FYB2: variants seen among roughly 807,000 people sequenced by gnomAD.
The protein encoded by FYB2 is FYN binding protein 2.
A neutral mutation model predicts 94.1 loss-of-function variants in FYB2; 103 were observed. The observed-to-expected ratio is 1.09, with a 90% CI of 0.93 to 1.29. The LOEUF is 1.29. Among genes scored for constraint, FYB2 ranks in the 50% most tolerant of loss-of-function variants. The pLI, the probability that FYB2 is intolerant of heterozygous loss-of-function variation, is 0.00. For missense variants in FYB2, 896 were observed against 841.5 expected (o/e 1.06, Z -0.80); for synonymous variants, 293 against 287.9 (o/e 1.02, Z -0.18).
rs1226222773 is a variant in FYB2 at position 56,719,365 on chromosome 1, T to TCTAA, written c.*302_*305dup. 1 of 289,118 alleles carries TCTAA rather than the reference T, an allele frequency of 3.5e-6. No homozygotes were observed. Among genetic ancestry groups the TCTAA allele is most frequent in the Non-Finnish European group, 6.4e-6 (1 of 155,138 alleles). The allele number at this position is 289,118 out of a possible 1,614,324, so 17.9% of individuals were successfully genotyped here. ...TGACTAGGTGCCATAAGGCATGATT[T>TCTAA]CTAACTTTGGATATGGCTCATTAAA... On this transcript the variant is annotated 3_prime_UTR_variant, in exon 20 of 20. Coordinates refer to ENST00000343433, the MANE Select transcript of FYB2 (RefSeq NM_001004303.5).
At chr1:56,722,964 T>A (rs756837698) in intron 17 of FYB2, among the ~76,000 whole-genome samples, 7 of 151,990 alleles carry the variant, frequency 4.6e-5, no homozygotes, top group Non-Finnish European at 1.0e-4. Context: ...ATCAGGGAAG[T>A]TTGAGCTTTA....
intron 1 of FYB2, among the ~76,000 whole-genome samples, chr1:56,816,092 A>G (rs1040874088): frequency 1.3e-5 from 2 of 152,228 alleles, no homozygotes; most frequent in Non-Finnish European, 2.9e-5. Flanking sequence ...AATTGTCCTG[A>G]TATCTGTTAA....
chr1:56,796,199 A>G (rs2100999801), intron 1 of FYB2, among the ~76,000 whole-genome samples: 1 of 152,250 alleles, frequency 6.6e-6, no homozygotes, highest in African/African-American at 2.4e-5. Flanking sequence ...TTCCAGCACT[A>G]ATATTTAGAT....
intron 6 of FYB2, among the ~76,000 whole-genome samples, chr1:56,757,687 C>CTTCCTTCTTTCTTTCT (rs1293394860): frequency 5.0e-4 from 36 of 71,902 alleles, no homozygotes; most frequent in Admixed American, 1.1e-3. Context: ...TCCTTCCTTC[C>CTTCCTTCTTTCTTTCT]TTCTTTCTTT....
intron 15 of FYB2, among the ~76,000 whole-genome samples, chr1:56,729,055 T>C (rs1054520798): frequency 1.3e-5 from 2 of 152,128 alleles, no homozygotes; most frequent in Non-Finnish European, 2.9e-5. Context: ...GAATAGTGGG[T>C]AAGCAGGAAG....
upstream of FYB2, chr1:56,824,447 A>G (rs1441888798): frequency 1.3e-5 from 2 of 152,218 alleles, no homozygotes; most frequent in Non-Finnish European, 2.9e-5. Context: ...CATTCAAACC[A>G]TAGCAATTGG....
At chr1:56,766,043 T>C (rs1014541031) in intron 5 of FYB2, among the ~76,000 whole-genome samples, 3 of 152,188 alleles carry the variant, frequency 2.0e-5, no homozygotes, top group Non-Finnish European at 4.4e-5. Context: ...TTCTTAGCCT[T>C]GTAGAAGGAC....
At position 56,787,215 on chromosome 1, in the gene FYB2, G is replaced by A. The variant is rs772431958; in HGVS notation, c.920-7C>T. ...GAGCCCTCTTCCACAGTCACTGCAAGAGAAAGAGGCGGAATGAAAAAGAGG... is the reference window on the plus strand; with the variant it reads ...GAGCCCTCTTCCACAGTCACTGCAAAAGAAAGAGGCGGAATGAAAAAGAGG... On this transcript the variant is annotated splice_region_variant and splice_polypyrimidine_tract_variant and intron_variant, in intron 3 of 19. Coordinates refer to ENST00000343433, the MANE Select transcript of FYB2 (RefSeq NM_001004303.5). 6.2e-6 allele frequency: 10 copies of A among 1,613,772 alleles called. No individual in the cohort carries two copies. The highest frequency in any genetic ancestry group is 2.2e-5 in the East Asian group (1 of 44,864).
intron 1 of FYB2, among the ~76,000 whole-genome samples, chr1:56,796,383 G>A (rs971127918): frequency 2.6e-5 from 4 of 152,114 alleles, no homozygotes; most frequent in South Asian, 2.1e-4. Flanking sequence ...TTCAGCTGCC[G>A]CAGCTAGTCA....
chr1:56,786,819 T>A (rs1413390622), intron 4 of FYB2, among the ~76,000 whole-genome samples: 2 of 152,160 alleles, frequency 1.3e-5, no homozygotes, highest in African/African-American at 2.4e-5. Context: ...AAATAGAACA[T>A]CCTTTATCCT....
chr1:56,749,174 T>A (rs1203704203), intron 9 of FYB2, among the ~76,000 whole-genome samples: 1 of 151,834 alleles, frequency 6.6e-6, no homozygotes, highest in Non-Finnish European at 1.5e-5. Context: ...TTTCTGTTTT[T>A]TATCCTGCTT....
At chr1:56,765,813 C>G (rs1390683833) in intron 5 of FYB2, among the ~76,000 whole-genome samples, 1 of 152,230 alleles carries the variant, frequency 6.6e-6, no homozygotes, top group African/African-American at 2.4e-5. Flanking sequence ...TCAGAGTCAT[C>G]TAGTCTTCTT....
In FYB2 at chr1:56,753,900, TG is replaced by T; in HGVS notation, c.1165del (p.Gln389AsnfsTer5). On this transcript the variant is annotated frameshift_variant, in exon 8 of 20. Coordinates refer to ENST00000343433, the MANE Select transcript of FYB2 (RefSeq NM_001004303.5). LOFTEE classifies it high-confidence loss of function. Reference protein sequence around the residue: ...KHEDKKMKEKQPCELKPKNTE... With the variant: ...KHEDKKMKEKXPCELKPKNTE... ...GTTTTTAGGTTTCAATTCACATGGTTGTTTTTCCTTCATTTTTTTATCTTCA... is the reference window on the plus strand; with the variant it reads ...GTTTTTAGGTTTCAATTCACATGGTTTTTTTCCTTCATTTTTTTATCTTCA... The T allele has an allele frequency of 1.2e-6, 2 of 1,611,394 alleles. No individual in the cohort carries two copies. Among genetic ancestry groups the T allele is most frequent in the Admixed American group, 1.7e-5 (1 of 59,836 alleles).
At chr1:56,816,506 T>G (rs561466219) in intron 1 of FYB2, among the ~76,000 whole-genome samples, 56 of 152,284 alleles carry the variant, frequency 3.7e-4, no homozygotes, top group African/African-American at 1.3e-3. Flanking sequence ...CACACTGTAT[T>G]GGTCAGAGTA....
chr1:56,796,025 G>C lies in FYB2; in HGVS notation c.10-3222C>G, dbSNP rs558889275. Among the ~76,000 whole-genome samples, 15 of 152,226 alleles carry C rather than the reference G, an allele frequency of 9.9e-5. 1 individual carries two copies. In the South Asian group the frequency reaches 3.1e-3, roughly 32 times the overall value. On this transcript the variant is annotated intron_variant, in intron 1 of 19. Coordinates refer to ENST00000343433, the MANE Select transcript of FYB2 (RefSeq NM_001004303.5). ...AGACAGAAAATAAGCAATTACACAA[G>C]AAAATATTAGAGACAAAGTGCTATG...
rs1214061551 is a variant in FYB2 at position 56,723,676 on chromosome 1, G to A, written c.1886C>T (p.Ser629Phe). The A allele has an allele frequency of 6.5e-7, 1 of 1,542,042 alleles. No homozygotes were observed. The highest frequency in any genetic ancestry group is 1.4e-5 in the African/African-American group (1 of 72,596). The change falls in exon 17 of 20, where the codon TCT (serine) becomes TTT (phenylalanine). Residue 629 changes from serine to phenylalanine, a missense_variant. Physicochemically the swap from Ser to Phe is radical, Grantham distance 155. Coordinates refer to ENST00000343433, the MANE Select transcript of FYB2 (RefSeq NM_001004303.5). ...KNGAEESESF[S>F]PRNFFKTKKQ... ...CTTGGTTTTGAAGAAATTTCTAGGA[G>A]AGAAACTAGCAAGAAATGTGCAGGT...
chr1:56,721,046 T>C (rs1466347145), intron 17 of FYB2, among the ~76,000 whole-genome samples: 2 of 152,140 alleles, frequency 1.3e-5, no homozygotes, highest in African/African-American at 4.8e-5. Flanking sequence ...GTAGTAGGAA[T>C]TGACTGTATC....
At chr1:56,724,214 G>A (rs955535157) in intron 16 of FYB2, among the ~76,000 whole-genome samples, 8 of 151,912 alleles carry the variant, frequency 5.3e-5, no homozygotes, top group Non-Finnish European at 1.2e-4. Context: ...TGGTTCAATC[G>A]AAGAGCTCTC....
chr1:56,769,651 A>G (rs1645708557), intron 4 of FYB2, among the ~76,000 whole-genome samples: 1 of 152,306 alleles, frequency 6.6e-6, no homozygotes, highest in Non-Finnish European at 1.5e-5. Flanking sequence ...GACTTTGTAA[A>G]TTATAGATGT....
Sources: gnomAD v4.1 joint callset for allele counts (sites outside exome capture counted in the v4.1 genomes callset) on GRCh38, gnomAD v4.1.1 for gene constraint, MANE v1.5 for transcripts, NCBI Gene and HGNC (gene_info 2026-07-23, HGNC 2026-07-21) for gene names.